RSPO1: variants seen among roughly 807,000 people sequenced by gnomAD.
RSPO1 encodes the protein R-spondin-1.
Under a neutral mutation model 26.0 loss-of-function variants are expected in RSPO1, and 18 were observed. The observed-to-expected ratio is 0.69, with a 90% confidence interval of 0.48 to 1.03. The LOEUF is 1.03. Ranked by LOEUF, RSPO1 falls within the 50% of genes least tolerant of loss-of-function variation. RSPO1 has a pLI of 0.00. For missense variants in RSPO1, 309 were observed against 352.3 expected (o/e 0.88, Z 0.98); for synonymous variants, 133 against 137.4 (o/e 0.97, Z 0.22).
intron 3 of RSPO1, among the ~76,000 whole-genome samples, chr1:37,627,143 C>T (rs894795701): frequency 6.6e-6 from 1 of 152,116 alleles, no homozygotes; most frequent in Admixed American, 6.5e-5. Context: ...CCCTCCTACC[C>T]TGCAGCCGAG....
At chr1:37,625,633 G>A (rs1296175185) in intron 3 of RSPO1, among the ~76,000 whole-genome samples, 1 of 151,778 alleles carries the variant, frequency 6.6e-6, no homozygotes, top group Non-Finnish European at 1.5e-5. Context: ...CCTGGGACCT[G>A]CACATTCAGC....
intron 2 of RSPO1, among the ~76,000 whole-genome samples, chr1:37,630,826 C>T (rs1644349697): frequency 6.6e-6 from 1 of 152,190 alleles, no homozygotes; most frequent in Non-Finnish European, 1.5e-5. Context: ...CCACGCACAC[C>T]CCACACTCCC....
intron 3 of RSPO1, among the ~76,000 whole-genome samples, chr1:37,617,661 C>CAAAAAAAAAAAAAAAAAAAAAAAAAAA (rs34856591): frequency 2.8e-5 from 1 of 36,356 alleles, no homozygotes; most frequent in African/African-American, 1.2e-4. Flanking sequence ...GACTCCATCT[C>CAAAAAAAAAAAAAAAAAAAAAAAAAAA]AAAAAAAAAA....
intron 5 of RSPO1, 39 bp downstream of exon 5, chr1:37,614,145 G>T: frequency 1.2e-6 from 2 of 1,608,108 alleles, no homozygotes; most frequent in Non-Finnish European, 1.7e-6. Flanking sequence ...TCCTTCTGGG[G>T]TCCTGGACCC....
In RSPO1 at chr1:37,621,672, A is replaced by T. The variant is rs147647633; in HGVS notation, c.95-4997T>A. On this transcript the variant is annotated intron_variant, in intron 3 of 6. Transcript: ENST00000356545. ...CATGTTGAGTTTGCGGTTCCTGTGG[A>T]ACATCCAGGGAATGATGTCTATTAG... is the stretch of plus-strand genomic sequence containing the variant. Among the ~76,000 whole-genome samples the T allele has an allele frequency of 3.0e-3, 451 of 152,288 alleles. 5 individuals carry two copies. Among genetic ancestry groups the T allele is most frequent in the African/African-American group, 7.9e-3 (327 of 41,548 alleles).
chr1:37,621,477 C>G (rs201666418), intron 3 of RSPO1, among the ~76,000 whole-genome samples: 2 of 151,972 alleles, frequency 1.3e-5, no homozygotes, highest in Non-Finnish European at 2.9e-5. Context: ...GTGAGATGGT[C>G]AGGCGGCAGG....
In RSPO1 at chr1:37,616,605, C is replaced by T. The variant is rs1272796657; in HGVS notation, c.165G>A (p.Lys55=). Residue 55 remains lysine, a synonymous_variant, in exon 4 of 7, where the codon AAG becomes AAA. Coordinates refer to ENST00000356545, the MANE Select transcript of RSPO1 (RefSeq NM_001242908.2). ...GCAGGATGAACAGCTTGGGTGAGCACTTGAGGCAGCCGTTGACTTCAGAGC... is the reference window on the plus strand; with the variant it reads ...GCAGGATGAACAGCTTGGGTGAGCATTTGAGGCAGCCGTTGACTTCAGAGC... ...ELCSEVNGCL[K]CSPKLFILLE... 1 of 1,614,188 alleles carries T rather than the reference C, an allele frequency of 6.2e-7. No individual in the cohort carries two copies. The highest frequency in any genetic ancestry group is 1.3e-5 in the African/African-American group (1 of 75,068).
At chr1:37,622,510 C>CA (rs144102086) in intron 3 of RSPO1, among the ~76,000 whole-genome samples, 6,233 of 150,208 alleles carry the variant, frequency 0.041, 179 homozygotes, top group Non-Finnish European at 0.063. Flanking sequence ...GACCCTGACT[C>CA]AAAAAAAAAG....
chr1:37,632,219 C>T (rs1373207332), intron 2 of RSPO1, 68 bp downstream of exon 2: 1 of 152,262 alleles, frequency 6.6e-6, no homozygotes, highest in Non-Finnish European at 1.5e-5. Context: ...TCCTCCCTCT[C>T]CTCTCCCTCT....
Position 37,612,931 on chromosome 1 carries a change from C to A in RSPO1, c.626-10G>T, listed in dbSNP as rs750897150. 3.7e-6 allele frequency: 6 copies of A among 1,613,902 alleles called. No individual in the cohort carries two copies. Among genetic ancestry groups the A allele is most frequent in the Non-Finnish European group, 5.1e-6 (6 of 1,179,984 alleles). ...TTCCTCCTCTTCTGCCCTGAAACAA[C>A]CAAACAGCAGGAAGAATCAACAAAG... On this transcript the variant is annotated splice_polypyrimidine_tract_variant and intron_variant, in intron 6 of 6. Transcript: ENST00000356545.
intron 1 of RSPO1, among the ~76,000 whole-genome samples, chr1:37,633,456 AC>A (rs1258158481): frequency 6.6e-5 from 10 of 152,100 alleles, no homozygotes; most frequent in Admixed American, 2.6e-4. Context: ...GAGGGCAGAA[AC>A]TCAGCCCCGG....
chr1:37,618,454 A>G (rs983906730), intron 3 of RSPO1, among the ~76,000 whole-genome samples: 1 of 152,218 alleles, frequency 6.6e-6, no homozygotes, highest in African/African-American at 2.4e-5. Flanking sequence ...CCATTAGAAC[A>G]TATTAAGCAG....
chr1:37,614,295 T>C lies in RSPO1; in HGVS notation c.325A>G (p.Asn109Asp), dbSNP rs1644076031. 2 of 1,613,838 alleles carry C rather than the reference T, an allele frequency of 1.2e-6. No homozygotes were observed. Among genetic ancestry groups the C allele is most frequent in the Non-Finnish European group, 8.5e-7 (1 of 1,180,032 alleles). ...IEHCEACFSHNFCTKCKEGLY... is the reference protein window; with the variant it reads ...IEHCEACFSHDFCTKCKEGLY... ...CCCTCCTTACACTTGGTGCAGAAGT[T>C]ATGGCTGAAGCAGGCCTCACAGTGC... Residue 109 changes from asparagine (N) to aspartate (D), a missense_variant, in exon 5 of 7, where the codon AAC (asparagine) becomes GAC (aspartate). Transcript: ENST00000356545.
In RSPO1 at chr1:37,625,137, C is replaced by T. The variant is rs144566559; in HGVS notation, c.94+4431G>A. 4.0e-3 allele frequency among the ~76,000 whole-genome samples: 603 copies of T among 152,340 alleles called. 2 individuals carry two copies. The highest frequency in any genetic ancestry group is 0.013 in the African/African-American group (545 of 41,560). On this transcript the variant is annotated intron_variant, in intron 3 of 6. Coordinates refer to ENST00000356545, the MANE Select transcript of RSPO1 (RefSeq NM_001242908.2). ...TAGTACTTGAATCTGTCATGGTGAA[C>T]GTCACCTTATATTGTTATTATCTGC...
intron 3 of RSPO1, among the ~76,000 whole-genome samples, chr1:37,621,309 A>G (rs1479968541): frequency 6.6e-6 from 1 of 152,172 alleles, no homozygotes; most frequent in African/African-American, 2.4e-5. Flanking sequence ...GAGGTTTACA[A>G]CAGGAGACAC....
rs544604249 is a variant in RSPO1 at position 37,613,215 on chromosome 1, A to T, written c.626-294T>A. On this transcript the variant is annotated intron_variant, in intron 6 of 6. Transcript: ENST00000356545. This position sits in a 1 kb window ranked among gnomAD's most constrained non-coding sequence, Gnocchi z 4.5. ...TGGATTCCTCAGACCTTGGATCCCA[A>T]TGGACCAAGAGCACTTCCCAGGTAT... is the stretch of plus-strand genomic sequence containing the variant. 2.0e-5 allele frequency among the ~76,000 whole-genome samples: 3 copies of T among 152,326 alleles called. No individual in the cohort carries two copies. In the East Asian group the frequency reaches 5.8e-4, roughly 29 times the overall value.
chr1:37,616,474 CCA>C lies in RSPO1; in HGVS notation c.286+8_286+9del, dbSNP rs1342747378. On this transcript the variant is annotated splice_region_variant and intron_variant, in intron 4 of 6. Coordinates refer to ENST00000356545, the MANE Select transcript of RSPO1 (RefSeq NM_001242908.2). ...TGCCCCCTGCCCCCGACAGCCCTGC[CCA>C]CACTCACTGATGCACTTGTTCATGT... The C allele has an allele frequency of 6.2e-7, 1 of 1,613,838 alleles. No individual in the cohort carries two copies. Among genetic ancestry groups the C allele is most frequent in the South Asian group, 1.1e-5 (1 of 91,066 alleles).
intron 2 of RSPO1, among the ~76,000 whole-genome samples, chr1:37,630,606 T>A (rs1027886203): frequency 6.6e-6 from 1 of 152,050 alleles, no homozygotes; most frequent in Non-Finnish European, 1.5e-5. Context: ...ATGGGGATAA[T>A]CCCCCAGCCC....
In RSPO1 at chr1:37,629,682, C is replaced by T; in HGVS notation, c.-21G>A. 1.2e-6 allele frequency: 2 copies of T among 1,613,824 alleles called. No homozygotes were observed. The highest frequency in any genetic ancestry group is 1.7e-6 in the Non-Finnish European group (2 of 1,179,880). On this transcript the variant is annotated 5_prime_UTR_variant, in exon 3 of 7. Transcript: ENST00000356545. ...CGCATAGTCACGCGCCAGCTCCAGG[C>T]CCCTGGTCGGAGGGGTGGTCTCGGG...
Sources: gnomAD v4.1 joint callset for allele counts (sites outside exome capture counted in the v4.1 genomes callset) on GRCh38, gnomAD v4.1.1 for gene constraint, Gnocchi (gnomAD v3.1) non-coding constraint, MANE v1.5 for transcripts, NCBI Gene and HGNC (gene_info 2026-07-23, HGNC 2026-07-21) for gene names.